The following ENOX2 variants were observed in gnomAD, a reference collection of about 807,000 sequenced individuals.
ENOX2 encodes ecto-NOX disulfide-thiol exchanger 2, also known as APK1 antigen.
Under a neutral mutation model 45.0 loss-of-function variants are expected in ENOX2, and 36 were observed. That is an observed-to-expected ratio of 0.80 (90% CI 0.61 to 1.06). The LOEUF (loss-of-function observed/expected upper bound fraction) is 1.06, where lower values mean the gene tolerates loss of function less well. Ranked by LOEUF, ENOX2 falls within the 50% of genes least tolerant of loss-of-function variation. The pLI is 0.00. For missense variants in ENOX2, 423 were observed against 462.5 expected, an observed-to-expected ratio of 0.91 and a Z score of 0.78; for synonymous variants, 174 against 152.3, an observed-to-expected ratio of 1.14 and a Z score of -1.05.
intron 2 of ENOX2, among the ~76,000 whole-genome samples, chrX:130,784,881 C>T (rs868181206): frequency 2.8e-5 from 3 of 108,495 alleles, no homozygotes; most frequent in Admixed American, 9.8e-5. Context: ...AGCCACGGTG[C>T]GCAGCCCATA....
Position 130,749,556 on chromosome X carries a change from C to A in ENOX2, c.-39+33991G>T, listed in dbSNP as rs73635965. ...AGTGTTCTACCTAATAGCACATGGG[C>A]CATGGGATATTTCCAAAAAGCAATG... On this transcript the variant is annotated intron_variant, in intron 3 of 14. Transcript: ENST00000394363. 4.7e-3 allele frequency among the ~76,000 whole-genome samples: 527 copies of A among 111,241 alleles called. 5 individuals carry two copies. The highest frequency in any genetic ancestry group is 0.017 in the African/African-American group (507 of 30,637).
At chrX:130,886,067 G>C (rs1345638206) in intron 2 of ENOX2, among the ~76,000 whole-genome samples, 1 of 112,088 alleles carries the variant, frequency 8.9e-6, no homozygotes, top group Non-Finnish European at 1.9e-5. Flanking sequence ...ATGGGCTGCA[G>C]GGAGACTACA....
intron 2 of ENOX2, among the ~76,000 whole-genome samples, chrX:130,891,916 C>T (rs2078992716): frequency 9.0e-6 from 1 of 111,651 alleles, no homozygotes; most frequent in Non-Finnish European, 1.9e-5. Context: ...GAATACTGGG[C>T]TCTGGAGTCA....
Position 130,637,546 on chromosome X carries a change from CA to C in ENOX2, c.1130-137del, listed in dbSNP as rs1344032077. 64 of 451,538 alleles carry C rather than the reference CA, an allele frequency of 1.4e-4. No individual in the cohort carries two copies. In the East Asian group the frequency reaches 2.4e-3, roughly 17 times the overall value. The allele number at this position is 451,538 out of a possible 1,213,427, so 37.2% of individuals were successfully genotyped here. A position where few individuals can be genotyped will look rare whatever the true frequency, so the allele number is the denominator to read the frequency against. On this transcript the variant is annotated intron_variant, in intron 10 of 14. Coordinates refer to ENST00000394363, the MANE Select transcript of ENOX2 (RefSeq NM_006375.4). ...TGGCCATCTCAGCAAGAGATAGATA[CA>C]AAAGCACACAGGCCTGTTTTTATAA...
At chrX:130,759,254 T>C (rs778735102) in intron 3 of ENOX2, among the ~76,000 whole-genome samples, 16 of 111,351 alleles carry the variant, frequency 1.4e-4, no homozygotes, top group Non-Finnish European at 2.6e-4. Flanking sequence ...TTGAGGTTCA[T>C]TAATTTTACC....
At chrX:130,728,791 T>C (rs1407409102) in intron 3 of ENOX2, among the ~76,000 whole-genome samples, 1 of 111,588 alleles carries the variant, frequency 9.0e-6, no homozygotes, top group Non-Finnish European at 1.9e-5. Context: ...GAGGATGGAC[T>C]TTTCCTAGAG....
intron 2 of ENOX2, among the ~76,000 whole-genome samples, chrX:130,872,013 CA>C (rs1157347335): frequency 1.8e-5 from 2 of 111,818 alleles, no homozygotes; most frequent in Non-Finnish European, 3.8e-5. Context: ...CCATTTTAGA[CA>C]ATGGTGTTCC....
intron 3 of ENOX2, among the ~76,000 whole-genome samples, chrX:130,745,935 G>T (rs1174860912): frequency 8.9e-6 from 1 of 111,952 alleles, no homozygotes; most frequent in Non-Finnish European, 1.9e-5. Context: ...TTTAAATAAG[G>T]AGAGACAAAA....
At chrX:130,693,059 C>T (rs193297519) in intron 4 of ENOX2, among the ~76,000 whole-genome samples, 1 of 112,123 alleles carries the variant, frequency 8.9e-6, no homozygotes, top group Non-Finnish European at 1.9e-5. Flanking sequence ...TAGCAACTTG[C>T]ACTTACTCAA....
At chrX:130,846,307 A>AC (rs1569314278) in intron 2 of ENOX2, among the ~76,000 whole-genome samples, 2 of 110,782 alleles carry the variant, frequency 1.8e-5, no homozygotes, top group Non-Finnish European at 3.8e-5. Flanking sequence ...AAGAGTGCTT[A>AC]TGTGTATTAC....
At chrX:130,696,273 C>T (rs1434777141) in intron 4 of ENOX2, among the ~76,000 whole-genome samples, 3 of 111,830 alleles carry the variant, frequency 2.7e-5, no homozygotes, top group Non-Finnish European at 5.6e-5. Context: ...TCCCTCAACT[C>T]CTTTTTATTC....
rs759382857 is a variant in ENOX2, at chrX:130,624,066, A to G, written c.*1248T>C. On this transcript the variant is annotated 3_prime_UTR_variant, in exon 15 of 15. Transcript: ENST00000394363. ...AGGGAGGGTATGCTTGCATTATTAT[A>G]AATACCACAACCACCACCACACACA... The G allele has an allele frequency of 2.2e-4, 24 of 110,814 alleles. No individual in the cohort carries two copies. Among genetic ancestry groups the G allele is most frequent in the African/African-American group, 7.5e-4 (23 of 30,493 alleles). The allele number at this position is 110,814 out of a possible 1,213,427, so 9.1% of individuals were successfully genotyped here.
rs145917190 is a variant in ENOX2, at chrX:130,796,878, G to A, written c.-182-13188C>T. Among the ~76,000 whole-genome samples, 434 of 112,077 alleles carry A rather than the reference G, an allele frequency of 3.9e-3. 2 individuals are homozygous for A. The highest frequency in any genetic ancestry group is 0.014 in the African/African-American group (419 of 30,931). The stretch of plus-strand genomic sequence containing the variant: ...TTAATGCTATGTTGTTTTTCTCCCT[G>A]CCAAAGAATATAGCAATGTAATTGT... On this transcript the variant is annotated intron_variant, in intron 2 of 14. Transcript: ENST00000394363.
chrX:130,812,640 A>C (rs1475711564), intron 2 of ENOX2, among the ~76,000 whole-genome samples: 3 of 112,171 alleles, frequency 2.7e-5, no homozygotes, highest in Non-Finnish European at 5.6e-5. Context: ...CATGAATGTA[A>C]ATGAAAGAAA....
At chrX:130,633,057 C>T (rs1266413707) in intron 12 of ENOX2, among the ~76,000 whole-genome samples, 1 of 111,973 alleles carries the variant, frequency 8.9e-6, no homozygotes, top group African/African-American at 3.2e-5. Context: ...AACCTGACTT[C>T]AATTTTATTA....
At chrX:130,696,591 T>A (rs2037768727) in intron 4 of ENOX2, among the ~76,000 whole-genome samples, 1 of 112,349 alleles carries the variant, frequency 8.9e-6, no homozygotes, top group Non-Finnish European at 1.9e-5. Context: ...TTTAGCTTCA[T>A]GACAAATTTA....
intron 10 of ENOX2, among the ~76,000 whole-genome samples, chrX:130,647,022 G>T (rs2036255036): frequency 8.9e-6 from 1 of 112,275 alleles, no homozygotes. Flanking sequence ...TAATCTAACT[G>T]CAAGATTTCT....
chrX:130,849,074 G>T (rs1297004760), intron 2 of ENOX2, among the ~76,000 whole-genome samples: 1 of 112,120 alleles, frequency 8.9e-6, no homozygotes, highest in Non-Finnish European at 1.9e-5. Context: ...TCAACTAATG[G>T]CTCAATTATA....
At chrX:130,821,831 C>T (rs1156552086) in intron 2 of ENOX2, among the ~76,000 whole-genome samples, 2 of 100,763 alleles carry the variant, frequency 2.0e-5, no homozygotes, top group Non-Finnish European at 4.0e-5. Context: ...TTTGGGAGGC[C>T]GAGGCAGGTG....
Sources: allele counts gnomAD v4.1 joint callset (sites outside exome capture counted in the v4.1 genomes callset), GRCh38; gene constraint gnomAD v4.1.1; transcripts MANE v1.5; gene names NCBI Gene and HGNC (gene_info 2026-07-23, HGNC 2026-07-21).